The following B3GALT1 variants were observed in gnomAD, a reference collection of about 807,000 sequenced individuals.
B3GALT1 encodes UDP-Gal:betaGlcNAc beta 1,3-galactosyltransferase, polypeptide 1.
In B3GALT1, 10 loss-of-function variants were observed where a neutral mutation model predicts 23.2. The ratio of observed to expected loss-of-function variants is 0.43; its 90% CI spans 0.27 to 0.73. The LOEUF is 0.73. B3GALT1 is among the 30% of genes least tolerant of loss of function. The pLI is 0.21. For synonymous variants in B3GALT1, 156 were observed against 141.5 expected, an observed-to-expected ratio of 1.10 and a Z score of -0.73; for missense variants, 299 against 405.4, an observed-to-expected ratio of 0.74 and a Z score of 2.25.
intron 3 of B3GALT1, among the ~76,000 whole-genome samples, chr2:167,668,921 C>T (rs538091957): frequency 1.3e-5 from 2 of 152,308 alleles, no homozygotes; most frequent in Admixed American, 6.5e-5. Flanking sequence ...GCGTCGCTCA[C>T]GCTGGGAGCT....
At chr2:167,299,622 CAAAT>C (rs1696413675) in intron 1 of B3GALT1, among the ~76,000 whole-genome samples, 1 of 151,974 alleles carries the variant, frequency 6.6e-6, no homozygotes, top group Non-Finnish European at 1.5e-5. Flanking sequence ...CAACAATTAA[CAAAT>C]AATAGATTGC....
At chr2:167,389,848 C>T (rs768315939) in intron 1 of B3GALT1, among the ~76,000 whole-genome samples, 1 of 141,798 alleles carries the variant, frequency 7.1e-6, no homozygotes, top group African/African-American at 2.6e-5. Context: ...AAGATGGAGG[C>T]TGCATGGAGC....
At chr2:167,351,391 A>G (rs2617367) in intron 1 of B3GALT1, among the ~76,000 whole-genome samples, 66,948 of 152,130 alleles carry the variant, frequency 0.44, 18,486 homozygotes, top group Non-Finnish European at 0.62. Flanking sequence ...ATGATATTGC[A>G]GATGGTATTC....
intron 4 of B3GALT1, among the ~76,000 whole-genome samples, chr2:167,827,613 C>T (rs994552282): frequency 1.3e-5 from 2 of 152,204 alleles, no homozygotes; most frequent in African/African-American, 4.8e-5. Context: ...GCAGTCCCTG[C>T]TCAGTGCGTG....
At chr2:167,703,554 A>G (rs1686914533) in intron 3 of B3GALT1, among the ~76,000 whole-genome samples, 1 of 152,200 alleles carries the variant, frequency 6.6e-6, no homozygotes, top group South Asian at 2.1e-4. Flanking sequence ...TGCTGTTAGA[A>G]TAGATGACAT....
intron 2 of B3GALT1, among the ~76,000 whole-genome samples, chr2:167,525,774 AT>A (rs58757694): frequency 1.7e-3 from 250 of 145,098 alleles, no homozygotes; most frequent in Admixed American, 1.6e-3. Context: ...CACCTGGCTA[AT>A]TTTTTTTTTT....
At chr2:167,807,526 G>A (rs1198232346) in intron 3 of B3GALT1, among the ~76,000 whole-genome samples, 7 of 151,572 alleles carry the variant, frequency 4.6e-5, no homozygotes, top group African/African-American at 9.7e-5. Flanking sequence ...CTTTGTTCTC[G>A]TTGGTTTCAA....
At chr2:167,436,748 TG>T (rs1364066681) in intron 1 of B3GALT1, among the ~76,000 whole-genome samples, 2 of 152,150 alleles carry the variant, frequency 1.3e-5, no homozygotes, top group African/African-American at 2.4e-5. Flanking sequence ...TCATCTAGTT[TG>T]CTCATATCCT....
chr2:167,804,503 G>T (rs889742242), intron 3 of B3GALT1, among the ~76,000 whole-genome samples: 1 of 151,860 alleles, frequency 6.6e-6, no homozygotes, highest in Non-Finnish European at 1.5e-5. Flanking sequence ...ACAGGCCCCA[G>T]TGTGTGATGT....
intron 1 of B3GALT1, among the ~76,000 whole-genome samples, chr2:167,469,558 C>G (rs1356742390): frequency 6.6e-6 from 1 of 151,990 alleles, no homozygotes; most frequent in African/African-American, 2.4e-5. Context: ...ACAAATGTGC[C>G]CATGGTAAGA....
At position 167,492,037 on chromosome 2, in the gene B3GALT1, A is replaced by G. The variant is rs77783649; in HGVS notation, c.-410+1760A>G. On this transcript the variant is annotated intron_variant, in intron 2 of 4. Coordinates refer to ENST00000392690, the MANE Select transcript of B3GALT1 (RefSeq NM_020981.4). ...TTTCAGTCTTTATATTGGATATTTC[A>G]TGGGTTTTGACGCACATATAATGAC... Among the ~76,000 whole-genome samples the G allele has an allele frequency of 7.4e-3, 1,121 of 152,194 alleles. 23 individuals carry two copies. The highest frequency in any genetic ancestry group is 0.026 in the African/African-American group (1,071 of 41,504).
chr2:167,371,487 T>C (rs909592092), intron 1 of B3GALT1, among the ~76,000 whole-genome samples: 1 of 152,182 alleles, frequency 6.6e-6, no homozygotes, highest in African/African-American at 2.4e-5. Context: ...TAAAATGTTC[T>C]TGTGAAGTAC....
intron 3 of B3GALT1, among the ~76,000 whole-genome samples, chr2:167,792,821 A>G (rs1460847022): frequency 6.6e-6 from 1 of 152,124 alleles, no homozygotes; most frequent in Non-Finnish European, 1.5e-5. Context: ...AAAGCTCAAA[A>G]GAAAGACATT....
Position 167,809,718 on chromosome 2 carries a change from C to T in B3GALT1, c.-351-8954C>T, listed in dbSNP as rs559473740. Among the ~76,000 whole-genome samples the T allele has an allele frequency of 8.5e-5, 13 of 152,328 alleles. No homozygotes were observed. The South Asian group carries it at 2.3e-3, about 27-fold the overall frequency. ...TACTGGGGGGTGCCTCCCAGTTAGG[C>T]TACTCGGGGGTCAGGGACCCACTTG... On this transcript the variant is annotated intron_variant, in intron 3 of 4. Coordinates refer to ENST00000392690, the MANE Select transcript of B3GALT1 (RefSeq NM_020981.4).
At chr2:167,630,911 C>A (rs1441834303) in intron 2 of B3GALT1, among the ~76,000 whole-genome samples, 1 of 150,240 alleles carries the variant, frequency 6.7e-6, no homozygotes, top group African/African-American at 2.5e-5. Context: ...TATTTCTCTC[C>A]TTCATTCCTG....
At chr2:167,408,015 GACACACACACAC>G (rs56318085) in intron 1 of B3GALT1, among the ~76,000 whole-genome samples, 59,754 of 129,572 alleles carry the variant, frequency 0.46, 14,574 homozygotes, top group Admixed American at 0.57. Context: ...AGCAGGCAAA[GACACACACACAC>G]ACACACACAC....
intron 1 of B3GALT1, among the ~76,000 whole-genome samples, chr2:167,337,240 C>A (rs1227636188): frequency 6.6e-6 from 1 of 151,968 alleles, no homozygotes; most frequent in Non-Finnish European, 1.5e-5. Context: ...AATGCAGGTA[C>A]TTACTAGGGG....
intron 2 of B3GALT1, among the ~76,000 whole-genome samples, chr2:167,533,019 G>A (rs1005548517): frequency 6.6e-6 from 1 of 151,816 alleles, no homozygotes; most frequent in African/African-American, 2.4e-5. Context: ...GCGCCATCAC[G>A]CCTGGCTAAT....
In B3GALT1 at chr2:167,729,556, G is replaced by A. The variant is rs200178810; in HGVS notation, c.-352+82590G>A. 4.8e-4 allele frequency among the ~76,000 whole-genome samples: 73 copies of A among 152,284 alleles called. No homozygotes were observed. In the East Asian group the frequency reaches 0.014, roughly 29 times the overall value. ...AGGGCCTGCAGTGGGAACTTCTGCT[G>A]TGAGTAAAACTTGTCAATTCTGTGT... On this transcript the variant is annotated intron_variant, in intron 3 of 4. Coordinates refer to ENST00000392690, the MANE Select transcript of B3GALT1 (RefSeq NM_020981.4).
Sources: gnomAD v4.1 joint callset for allele counts (sites outside exome capture counted in the v4.1 genomes callset) on GRCh38, gnomAD v4.1.1 for gene constraint, MANE v1.5 for transcripts, NCBI Gene and HGNC (gene_info 2026-07-23, HGNC 2026-07-21) for gene names.